Variants in KCNC4 observed in about 807,000 individuals in gnomAD.
The protein encoded by KCNC4 is potassium voltage-gated channel subfamily C member 4.
KCNC4 carries 23 observed loss-of-function variants against 42.8 expected under a neutral mutation model. The ratio of observed to expected loss-of-function variants is 0.54; its 90% CI spans 0.39 to 0.76. The LOEUF is 0.76. Ranked by LOEUF, KCNC4 falls within the 30% of genes least tolerant of loss-of-function variation. The pLI is 0.00. For missense variants in KCNC4, 751 were observed against 898.2 expected, an observed-to-expected ratio of 0.84 and a Z score of 2.10; for synonymous variants, 422 against 393.5, an observed-to-expected ratio of 1.07 and a Z score of -0.86.
downstream of KCNC4, among the ~76,000 whole-genome samples, chr1:110,249,393 G>A (rs1312000577): frequency 6.6e-6 from 1 of 152,178 alleles, no homozygotes; most frequent in Non-Finnish European, 1.5e-5. Flanking sequence ...ATTCCTTGAG[G>A]AGAGAAGCTG....
At chr1:110,213,915 A>T (rs1418272149) in intron 1 of KCNC4, among the ~76,000 whole-genome samples, 1 of 152,198 alleles carries the variant, frequency 6.6e-6, no homozygotes, top group African/African-American at 2.4e-5. Context: ...GGAAGCAGGG[A>T]TGAGATGAGG....
At chr1:110,276,603 G>T (rs773814395) in intron 1 of KCNC4, among the ~76,000 whole-genome samples, 7 of 152,094 alleles carry the variant, frequency 4.6e-5, no homozygotes, top group Non-Finnish European at 1.0e-4. Context: ...CCCACATTCT[G>T]CCTCAGGACC....
chr1:110,267,354 C>CT (rs1557874529), intron 1 of KCNC4, among the ~76,000 whole-genome samples: 1 of 152,164 alleles, frequency 6.6e-6, no homozygotes, highest in Non-Finnish European at 1.5e-5. Flanking sequence ...CTCTGAGGCT[C>CT]TAAGTACATT....
rs1262083343 is a variant in KCNC4, at chr1:110,240,542, C to T, written c.*8233C>T. The T allele has an allele frequency of 4.6e-5, 7 of 152,494 alleles. 1 individual carries two copies. In the East Asian group the frequency reaches 7.7e-4, roughly 17 times the overall value. 9.4% of individuals were successfully genotyped at this position (152,494 alleles called of 1,614,324 possible). ...CACCACCTTTCCTCCTTGCCTCAGCCCTGGGGCCCCAGAGGCTTGGCTCAG... is the reference window on the plus strand; with the variant it reads ...CACCACCTTTCCTCCTTGCCTCAGCTCTGGGGCCCCAGAGGCTTGGCTCAG... On this transcript the variant is annotated 3_prime_UTR_variant, in exon 4 of 4. Coordinates refer to the KCNC4 transcript ENST00000369787.
In KCNC4 at chr1:110,226,070, C is replaced by T. The variant is rs775101038; in HGVS notation, c.1711C>T (p.Arg571Cys). The change falls in exon 3 of 4, where the codon CGC becomes TGC. Residue 571 changes from arginine to cysteine, a missense_variant. This residue lies in a region of KCNC4 where 202 missense variants were observed against 181.5 expected (regional missense o/e 1.11). Transcript: ENST00000438661. ...GGCCTCCTCCCCGACCCCCGAGGAG[C>T]GCCGGGCCCTGCGACGCTCCACCAC... ...PLASSPTPEERRALRRSTTRD... is the reference protein window; with the variant it reads ...PLASSPTPEECRALRRSTTRD... The T allele has an allele frequency of 1.2e-5, 20 of 1,613,950 alleles. No homozygotes were observed. The Middle Eastern group carries it at 5.0e-4, about 40-fold the overall frequency.
At chr1:110,222,331 A>C (rs117833398) in intron 1 of KCNC4, 1 of 153,028 alleles carries the variant, frequency 6.5e-6, no homozygotes, top group East Asian at 1.9e-4. Flanking sequence ...CATACAGTGG[A>C]CTTCAAACTA....
intron 1 of KCNC4, among the ~76,000 whole-genome samples, chr1:110,268,371 G>T (rs1659579967): frequency 1.3e-5 from 2 of 152,170 alleles, no homozygotes. Flanking sequence ...ACTTTGGGAG[G>T]CCGAGGCGGG....
At chr1:110,217,409 T>C (rs912414539) in intron 1 of KCNC4, among the ~76,000 whole-genome samples, 2 of 152,064 alleles carry the variant, frequency 1.3e-5, no homozygotes, top group South Asian at 4.1e-4. Flanking sequence ...CATAAATAAA[T>C]AAAATTTCCA....
At chr1:110,257,112 C>T (rs1451270182) in intron 1 of KCNC4, among the ~76,000 whole-genome samples, 1 of 152,188 alleles carries the variant, frequency 6.6e-6, no homozygotes, top group Non-Finnish European at 1.5e-5. Flanking sequence ...GTAAATGATT[C>T]TCTTGATCCA....
intron 1 of KCNC4, among the ~76,000 whole-genome samples, chr1:110,279,068 G>T (rs1276207503): frequency 6.6e-6 from 1 of 152,204 alleles, no homozygotes. Context: ...TAGTCCTAAA[G>T]AGATTCAAGT....
At chr1:110,216,802 AGGCTAAG>A (rs1657817969) in intron 1 of KCNC4, among the ~76,000 whole-genome samples, 1 of 152,116 alleles carries the variant, frequency 6.6e-6, no homozygotes, top group Admixed American at 6.5e-5. Context: ...AATTTTCTTC[AGGCTAAG>A]GGGTGGTCAC....
chr1:110,270,054 T>C (rs1275528410), intron 1 of KCNC4, among the ~76,000 whole-genome samples: 1 of 152,234 alleles, frequency 6.6e-6, no homozygotes, highest in African/African-American at 2.4e-5. Context: ...AATGAACACA[T>C]GAAGCTTTCT....
chr1:110,211,350 AGGCAGG>A lies in KCNC4; in HGVS notation c.-145_-140del. On this transcript the variant is annotated 5_prime_UTR_variant, in exon 1 of 4. Coordinates refer to ENST00000438661, the MANE Select transcript of KCNC4 (RefSeq NM_001039574.3). This position sits in a 1 kb window ranked among gnomAD's most constrained non-coding sequence, Gnocchi z 6.5. ...CTCCCGCTCCGCGTCCTAGGGGGAT[AGGCAGG>A]GGCAAGCCCAAGCCGCAGAGGGGGC... is the stretch of plus-strand genomic sequence containing the variant. 2 of 1,139,714 alleles carry A rather than the reference AGGCAGG, an allele frequency of 1.8e-6. No homozygotes were observed. Among genetic ancestry groups the A allele is most frequent in the Non-Finnish European group, 2.4e-6 (2 of 821,682 alleles). 70.6% of individuals were successfully genotyped at this position (1,139,714 alleles called of 1,614,324 possible). A position where few individuals can be genotyped will look rare whatever the true frequency, so the allele number is the denominator to read the frequency against.
chr1:110,275,540 T>C (rs1394656300), intron 1 of KCNC4, among the ~76,000 whole-genome samples: 1 of 152,088 alleles, frequency 6.6e-6, no homozygotes, highest in East Asian at 1.9e-4. Flanking sequence ...AATCATTATA[T>C]AAAAAAGATA....
Position 110,215,240 on chromosome 1 carries a change from C to T in KCNC4, c.678+3063C>T, listed in dbSNP as rs570879643. 8.5e-5 allele frequency among the ~76,000 whole-genome samples: 13 copies of T among 152,234 alleles called. No homozygotes were observed. In the South Asian group the frequency reaches 1.0e-3, roughly 12 times the overall value. On this transcript the variant is annotated intron_variant, in intron 1 of 3. Transcript: ENST00000438661. Reference sequence around the variant, plus strand: ...GGAGCTGTTCCGCTCAGGCAGGCTCCTGGACTGGGATGCTCACCCCTGCTC... The same window carrying T: ...GGAGCTGTTCCGCTCAGGCAGGCTCTTGGACTGGGATGCTCACCCCTGCTC...
intron 2 of KCNC4, chr1:110,224,779 A>G (rs1658297838): frequency 6.6e-6 from 1 of 152,272 alleles, no homozygotes; most frequent in Non-Finnish European, 1.5e-5. Flanking sequence ...AGGCATCCTG[A>G]CTGTTATGTG....
intron 1 of KCNC4, among the ~76,000 whole-genome samples, chr1:110,273,994 A>T (rs1659677217): frequency 1.3e-5 from 2 of 152,236 alleles, no homozygotes; most frequent in African/African-American, 4.8e-5. Flanking sequence ...AGACAGAGCA[A>T]TCAGGCAACA....
chr1:110,217,637 A>G (rs975298771), intron 1 of KCNC4, among the ~76,000 whole-genome samples: 4 of 152,126 alleles, frequency 2.6e-5, no homozygotes, highest in Non-Finnish European at 5.9e-5. Context: ...AGGCCCTGAG[A>G]GGCCCCAAGT....
exon 4 of KCNC4, chr1:110,239,916 C>G (rs1571063936): frequency 6.6e-6 from 1 of 152,316 alleles, no homozygotes; most frequent in East Asian, 1.9e-4. Context: ...CTGGTTCATC[C>G]CAGCTCCCAC....
Sources: gnomAD v4.1 joint callset for allele counts (sites outside exome capture counted in the v4.1 genomes callset) on GRCh38, gnomAD v4.1.1 for gene constraint, gnomAD v4.1.1 regional missense constraint, Gnocchi (gnomAD v3.1) non-coding constraint, MANE v1.5 for transcripts, NCBI Gene and HGNC (gene_info 2026-07-23, HGNC 2026-07-21) for gene names.